The following TERT variants were observed in gnomAD, a reference collection of about 807,000 sequenced individuals.
TERT encodes the protein telomerase catalytic subunit.
TERT carries 42 observed loss-of-function variants against 104.0 expected under a neutral mutation model. The observed-to-expected ratio is 0.40, with a 90% CI of 0.32 to 0.52. The LOEUF (loss-of-function observed/expected upper bound fraction) is 0.52, where lower values mean the gene tolerates loss of function less well. Among genes scored for constraint, TERT ranks in the 20% least tolerant of loss-of-function variants. The pLI is 0.43. For synonymous variants in TERT, 781 were observed against 725.6 expected (o/e 1.08, Z -1.23); for missense variants, 1,101 against 1,610.3 (o/e 0.68, Z 5.41).
At position 1,256,190 on chromosome 5, in the gene TERT, T is replaced by G. The variant is rs574927690; in HGVS notation, c.3033-779A>C. ...ATGCTCAGCTAATTTTTGTTTTTAT[T>G]TTTCATAGAGATGGGGTTCTACTAT... On this transcript the variant is annotated intron_variant, in intron 13 of 15. Coordinates refer to ENST00000310581, the MANE Select transcript of TERT (RefSeq NM_198253.3). The surrounding 1 kb of genome is among the most constrained non-coding windows in gnomAD (Gnocchi z 7.0). Among the ~76,000 whole-genome samples the G allele has an allele frequency of 1.2e-4, 18 of 152,096 alleles. No individual in the cohort carries two copies. Among genetic ancestry groups the G allele is most frequent in the African/African-American group, 3.9e-4 (16 of 41,498 alleles).
At chr5:1,266,995 C>T (rs930825209) in intron 9 of TERT, among the ~76,000 whole-genome samples, 1 of 152,210 alleles carries the variant, frequency 6.6e-6, no homozygotes, top group African/African-American at 2.4e-5. Context: ...CCCTCAGGCC[C>T]AAGCCCAGCG....
intron 2 of TERT, among the ~76,000 whole-genome samples, chr5:1,284,957 T>C (rs1174177177): frequency 2.0e-5 from 3 of 150,788 alleles, no homozygotes; most frequent in Admixed American, 6.6e-5. Flanking sequence ...ACCCCAGACC[T>C]GCACCATCCA....
chr5:1,279,479 GA>G lies in TERT; in HGVS notation c.1951-10del, dbSNP rs1289197000. ...GAGGTGAGACGCTCGGCCTGGCGGG[GA>G]CAGCATGGGAGACAGTCAGGAAAGT... On this transcript the variant is annotated splice_polypyrimidine_tract_variant and intron_variant, in intron 4 of 15. Transcript: ENST00000310581. The G allele has an allele frequency of 6.5e-7, 1 of 1,548,282 alleles. No individual in the cohort carries two copies. Among genetic ancestry groups the G allele is most frequent in the East Asian group, 2.4e-5 (1 of 40,958 alleles).
rs995865185 is a variant in TERT at position 1,257,097 on chromosome 5, A to AT, written c.3032+1500dup. On this transcript the variant is annotated intron_variant, in intron 13 of 15. Transcript: ENST00000310581. The surrounding 1 kb of genome is among the most constrained non-coding windows in gnomAD (Gnocchi z 5.6). ...TGTGTTTGGAAACGGCCCGTGGCCC[A>AT]TCGCATCTCGGCCTCCTCAGGGCTA... 3.9e-5 allele frequency among the ~76,000 whole-genome samples: 6 copies of AT among 152,094 alleles called. No homozygotes were observed. Among genetic ancestry groups the AT allele is most frequent in the Non-Finnish European group, 8.8e-5 (6 of 67,992 alleles).
chr5:1,261,171 C>T lies in TERT; in HGVS notation c.2844-571G>A, dbSNP rs1334953712. ...CCACCACTCACTGCCCATGTATGTC[C>T]ATGTCCAAAGATGAACACACATGAC... On this transcript the variant is annotated intron_variant, in intron 11 of 15. Coordinates refer to ENST00000310581, the MANE Select transcript of TERT (RefSeq NM_198253.3). This position sits in a 1 kb window ranked among gnomAD's most constrained non-coding sequence, Gnocchi z 7.4. 2.6e-5 allele frequency among the ~76,000 whole-genome samples: 4 copies of T among 152,236 alleles called. No homozygotes were observed. The highest frequency in any genetic ancestry group is 5.9e-5 in the Non-Finnish European group (4 of 68,040).
rs752210365 is a variant in TERT at position 1,260,576 on chromosome 5, G to A, written c.2868C>T (p.Ala956=). ...YSSYARTSIR[A]SLTFNRGFKA... ...TGAAGCCGCGGTTGAAGGTGAGACT[G>A]GCTCTGATGGAGGTCCGGGCATAGC... Residue 956 remains alanine (A), a synonymous_variant, in exon 12 of 16, where the codon GCC becomes GCT. Coordinates refer to ENST00000310581, the MANE Select transcript of TERT (RefSeq NM_198253.3). 6 of 1,614,028 alleles carry A rather than the reference G, an allele frequency of 3.7e-6. No individual in the cohort carries two copies. In the African/African-American group the frequency reaches 8.0e-5, roughly 22 times the overall value.
At position 1,268,388 on chromosome 5, in the gene TERT, G is replaced by A. The variant is rs1748768579; in HGVS notation, c.2582+132C>T. 4 of 729,222 alleles carry A rather than the reference G, an allele frequency of 5.5e-6. No homozygotes were observed. The East Asian group carries it at 1.1e-4, about 20-fold the overall frequency. The allele number at this position is 729,222 out of a possible 1,614,324, so 45.2% of individuals were successfully genotyped here. ...CTCCCGTGCGGCTTCATACCAAGAA[G>A]GGGCTGCAACCTTGTCTGGTTCCTC... On this transcript the variant is annotated intron_variant, in intron 9 of 15. Coordinates refer to ENST00000310581, the MANE Select transcript of TERT (RefSeq NM_198253.3). This position sits in a 1 kb window ranked among gnomAD's most constrained non-coding sequence, Gnocchi z 5.5.
intron 9 of TERT, among the ~76,000 whole-genome samples, chr5:1,267,310 A>G (rs1748680189): frequency 1.3e-5 from 2 of 152,186 alleles, no homozygotes; most frequent in Admixed American, 6.5e-5. Flanking sequence ...CTGCTTGTTC[A>G]GTGATACTAT....
intron 2 of TERT, among the ~76,000 whole-genome samples, chr5:1,291,195 C>A (rs1750912617): frequency 1.3e-5 from 1 of 79,466 alleles, no homozygotes; most frequent in Non-Finnish European, 2.4e-5. Flanking sequence ...GTGCCTCACT[C>A]ACCCTACACG....
At chr5:1,280,824 TGAGCCCAC>T (rs1561204283) in intron 3 of TERT, among the ~76,000 whole-genome samples, 1 of 128,660 alleles carries the variant, frequency 7.8e-6, no homozygotes, top group African/African-American at 2.8e-5. Flanking sequence ...TCAGCTCTCA[TGAGCCCAC>T]CAGTCTCCTG....
intron 2 of TERT, among the ~76,000 whole-genome samples, chr5:1,291,455 C>G (rs1307441722): frequency 9.4e-6 from 1 of 106,930 alleles, no homozygotes; most frequent in Non-Finnish European, 1.9e-5. Context: ...TCACCCTACA[C>G]GTGACAGGGA....
At position 1,283,888 on chromosome 5, in the gene TERT, G is replaced by A. The variant is rs576819233; in HGVS notation, c.1574-1264C>T. Among the ~76,000 whole-genome samples the A allele has an allele frequency of 4.7e-5, 6 of 127,742 alleles. No homozygotes were observed. The East Asian group carries it at 7.6e-4, about 16-fold the overall frequency. 83.8% of individuals were successfully genotyped at this position (127,742 alleles called of 152,430 possible). ...GGGGACACCGCACATCCAGCTCACC[G>A]AGGGCCTGGCGAACTCACCCCGGAC... On this transcript the variant is annotated intron_variant, in intron 2 of 15. Coordinates refer to ENST00000310581, the MANE Select transcript of TERT (RefSeq NM_198253.3).
chr5:1,288,163 A>G lies in TERT; in HGVS notation c.1573+5150T>C, dbSNP rs982353509. 3.3e-5 allele frequency among the ~76,000 whole-genome samples: 5 copies of G among 152,164 alleles called. No individual in the cohort carries two copies. Among genetic ancestry groups the G allele is most frequent in the African/African-American group, 1.2e-4 (5 of 41,422 alleles). On this transcript the variant is annotated intron_variant, in intron 2 of 15. Coordinates refer to ENST00000310581, the MANE Select transcript of TERT (RefSeq NM_198253.3). The surrounding 1 kb of genome is among the most constrained non-coding windows in gnomAD (Gnocchi z 5.3). Reference sequence around the variant, plus strand: ...CAAAACACAGCGTGCACAAAGAAAAAAATCACAGAATAAGAATACTTAAAA... The same window carrying G: ...CAAAACACAGCGTGCACAAAGAAAAGAATCACAGAATAAGAATACTTAAAA...
rs1748199247 is a variant in TERT at position 1,261,109 on chromosome 5, G to A, written c.2844-509C>T. Among the ~76,000 whole-genome samples the A allele has an allele frequency of 6.6e-6, 1 of 152,116 alleles. No individual in the cohort carries two copies. The highest frequency in any genetic ancestry group is 2.4e-5 in the African/African-American group (1 of 41,422). On this transcript the variant is annotated intron_variant, in intron 11 of 15. Coordinates refer to ENST00000310581, the MANE Select transcript of TERT (RefSeq NM_198253.3). The surrounding 1 kb of genome is among the most constrained non-coding windows in gnomAD (Gnocchi z 7.4). ...CACACATGGTGTCTCCAGAGGGGCA[G>A]GATGGAGGCATCCCACCGATGTCCT...
chr5:1,293,554 G>C lies in TERT; in HGVS notation c.1332C>G (p.Asp444Glu). The change falls in exon 2 of 16, where the codon GAC becomes GAG. Residue 444 changes from aspartate to glutamate, a missense_variant. By Grantham distance (45) the Asp-to-Glu change is conservative. Transcript: ENST00000310581. ...SVAAPEEEDT[D>E]PRRLVQLLRQ... ...GGAGCAGCTGCACCAGGCGACGGGG[G>C]TCTGTGTCCTCCTCCTCGGGGGCCG... The C allele has an allele frequency of 6.5e-7, 1 of 1,548,514 alleles. No homozygotes were observed. The highest frequency in any genetic ancestry group is 8.7e-7 in the Non-Finnish European group (1 of 1,145,182).
rs1476164393 is a variant in TERT at position 1,291,345 on chromosome 5, G to A, written c.1573+1968C>T. Among the ~76,000 whole-genome samples, 110 of 61,282 alleles carry A rather than the reference G, an allele frequency of 1.8e-3. 2 individuals carry two copies. Among genetic ancestry groups the A allele is most frequent in the Non-Finnish European group, 2.7e-3 (88 of 32,528 alleles). The allele number at this position is 61,282 out of a possible 152,430, so 40.2% of individuals were successfully genotyped here. A position where few individuals can be genotyped will look rare whatever the true frequency, so the allele number is the denominator to read the frequency against. ...CACCCTACACGTGACAGGGACACCCGGGGACCGCGCCTCACTCACCCTGCA... is the reference window on the plus strand; with the variant it reads ...CACCCTACACGTGACAGGGACACCCAGGGACCGCGCCTCACTCACCCTGCA... On this transcript the variant is annotated intron_variant, in intron 2 of 15. Coordinates refer to ENST00000310581, the MANE Select transcript of TERT (RefSeq NM_198253.3).
intron 12 of TERT, among the ~76,000 whole-genome samples, chr5:1,259,298 A>AGGGAGTGGACGCGGATGCCCACAGGAGT (rs1748007057): frequency 8.5e-6 from 1 of 117,710 alleles, no homozygotes; most frequent in Non-Finnish European, 1.7e-5. Flanking sequence ...CCCACAGGAG[A>AGGGAGTGGACGCGGATGCCCACAGGAGT]GGGAGTGGAC....
chr5:1,266,447 C>A lies in TERT; in HGVS notation c.2654+17G>T. On this transcript the variant is annotated intron_variant, in intron 10 of 15. Transcript: ENST00000310581. Reference sequence around the variant, plus strand: ...CAGGCTGTGGAGGTCCCCACAGACACACGGCACGGGCCTCACCTGAGGAAG... The same window carrying A: ...CAGGCTGTGGAGGTCCCCACAGACAAACGGCACGGGCCTCACCTGAGGAAG... 6.2e-7 allele frequency: 1 copy of A among 1,601,184 alleles called. No individual in the cohort carries two copies. Among genetic ancestry groups the A allele is most frequent in the Middle Eastern group, 1.7e-4 (1 of 6,050 alleles).
intron 2 of TERT, among the ~76,000 whole-genome samples, chr5:1,291,133 C>A (rs1750902904): frequency 1.4e-5 from 2 of 140,316 alleles, no homozygotes; most frequent in African/African-American, 5.5e-5. Flanking sequence ...GACAGGGACA[C>A]CCGGGGACAG....
Sources: allele counts gnomAD v4.1 joint callset (sites outside exome capture counted in the v4.1 genomes callset), GRCh38; gene constraint gnomAD v4.1.1; non-coding constraint Gnocchi (gnomAD v3.1); transcripts MANE v1.5; gene names NCBI Gene and HGNC (gene_info 2026-07-23, HGNC 2026-07-21).